Variants in FBXO4 observed in about 807,000 individuals in gnomAD.
FBXO4 encodes the protein F-box only protein 4.
A neutral mutation model predicts 43.7 loss-of-function variants in FBXO4; 36 were observed. That is an observed-to-expected ratio of 0.82 (90% CI 0.63 to 1.09). The LOEUF is 1.09. Among genes scored for constraint, FBXO4 ranks in the 50% least tolerant of loss-of-function variants. FBXO4 has a pLI of 0.00. For synonymous variants in FBXO4, 180 were observed against 165.6 expected, an observed-to-expected ratio of 1.09 and a Z score of -0.67; for missense variants, 435 against 474.1, an observed-to-expected ratio of 0.92 and a Z score of 0.77.
At chr5:41,926,972 C>A (rs190835881) in intron 1 of FBXO4, 41 bp from the exon 2 acceptor site, 16 of 1,319,020 alleles carry the variant, frequency 1.2e-5, no homozygotes, top group Middle Eastern at 1.9e-4. Flanking sequence ...AAACTATTTT[C>A]TTCATTCCTT....
chr5:42,005,826 T>C, the FBXO4 span, among the ~76,000 whole-genome samples: 1 of 152,120 alleles, frequency 6.6e-6, no homozygotes, highest in Non-Finnish European at 1.5e-5. Context: ...TATTTGTTTT[T>C]GACCTCCTCT....
the FBXO4 span, among the ~76,000 whole-genome samples, chr5:41,991,447 T>C: frequency 2.0e-5 from 3 of 152,340 alleles, no homozygotes; most frequent in African/African-American, 7.2e-5. Flanking sequence ...TGTGAAAGCA[T>C]AAGCCTGATT....
At chr5:41,945,426 C>T (rs891648816), downstream of FBXO4, among the ~76,000 whole-genome samples, 1 of 152,044 alleles carries the variant, frequency 6.6e-6, no homozygotes, top group Non-Finnish European at 1.5e-5. Flanking sequence ...AGGGAGACCC[C>T]CTGAAACTAT....
the FBXO4 span, chr5:41,967,490 T>C: frequency 3.8e-5 from 26 of 677,944 alleles, no homozygotes; most frequent in Non-Finnish European, 6.7e-5. Flanking sequence ...TTTGGGGGTA[T>C]ATCAATGAGA....
chr5:41,948,281 G>A, the FBXO4 span, among the ~76,000 whole-genome samples: 919 of 151,918 alleles, frequency 6.0e-3, 15 homozygotes, highest in African/African-American at 0.021. Flanking sequence ...GACTACAGGC[G>A]GCTGCCACCA....
the FBXO4 span, among the ~76,000 whole-genome samples, chr5:42,007,581 C>G: frequency 6.6e-6 from 1 of 152,010 alleles, no homozygotes; most frequent in Non-Finnish European, 1.5e-5. Flanking sequence ...ATCTGAGTAC[C>G]CAGTCCCTTG....
At chr5:42,011,839 A>G in the FBXO4 span, among the ~76,000 whole-genome samples, 1 of 152,198 alleles carries the variant, frequency 6.6e-6, no homozygotes, top group Admixed American at 6.5e-5. Context: ...TCTATCATTT[A>G]TAGATGGACA....
chr5:42,038,248 C>T, the FBXO4 span, among the ~76,000 whole-genome samples: 8 of 152,130 alleles, frequency 5.3e-5, no homozygotes, highest in East Asian at 1.9e-4. Context: ...CGAAGCAAGA[C>T]GACACCTTTT....
intron 2 of FBXO4, among the ~76,000 whole-genome samples, chr5:41,928,312 A>G (rs1208863147): frequency 6.6e-6 from 1 of 151,928 alleles, no homozygotes; most frequent in African/African-American, 2.4e-5. Context: ...TATCATTTTT[A>G]CAACCCTGAG....
chr5:41,935,041 C>G, intron 5 of FBXO4: 1 of 984,700 alleles, frequency 1.0e-6, no homozygotes, highest in Non-Finnish European at 1.2e-6. Context: ...CAATTACTTT[C>G]TGTTATTACA....
At chr5:42,002,513 AT>A in the FBXO4 span, among the ~76,000 whole-genome samples, 10 of 152,194 alleles carry the variant, frequency 6.6e-5, no homozygotes, top group Non-Finnish European at 1.3e-4. Flanking sequence ...CCCAACTAAG[AT>A]TTTTATTGAA....
chr5:42,020,017 G>A, the FBXO4 span, among the ~76,000 whole-genome samples: 4,784 of 152,020 alleles, frequency 0.031, 262 homozygotes, highest in African/African-American at 0.11. Flanking sequence ...AAGCATGAAC[G>A]ACTTAATTTT....
chr5:42,010,792 TCATTATA>T, the FBXO4 span, among the ~76,000 whole-genome samples: 1 of 152,202 alleles, frequency 6.6e-6, no homozygotes, highest in Non-Finnish European at 1.5e-5. Flanking sequence ...AGGGGCTGCA[TCATTATA>T]CATTTCTACC....
the FBXO4 span, among the ~76,000 whole-genome samples, chr5:42,011,757 G>A: frequency 1.3e-5 from 2 of 152,178 alleles, no homozygotes; most frequent in African/African-American, 4.8e-5. Context: ...TATGTAGAGT[G>A]TGTGCAGTAA....
intron 6 of FBXO4, among the ~76,000 whole-genome samples, chr5:41,940,025 A>AT (rs907403423): frequency 2.0e-5 from 3 of 150,010 alleles, no homozygotes; most frequent in African/African-American, 7.4e-5. Context: ...AATTTTTTGT[A>AT]TTTTTTGTAG....
At chr5:42,030,468 A>G in the FBXO4 span, among the ~76,000 whole-genome samples, 1 of 152,074 alleles carries the variant, frequency 6.6e-6, no homozygotes, top group Non-Finnish European at 1.5e-5. Flanking sequence ...AAGATGGATT[A>G]AAGACTTAAA....
the FBXO4 span, among the ~76,000 whole-genome samples, chr5:41,998,227 T>G: frequency 4.6e-5 from 7 of 152,228 alleles, no homozygotes; most frequent in African/African-American, 1.7e-4. Flanking sequence ...ATCCCCATTA[T>G]ATTTAAATTT....
chr5:41,990,131 T>C, the FBXO4 span, among the ~76,000 whole-genome samples: 1 of 152,314 alleles, frequency 6.6e-6, no homozygotes, highest in East Asian at 1.9e-4. Flanking sequence ...CTCACACAGA[T>C]AAGTTTCCGA....
chr5:41,986,004 CTT>C, the FBXO4 span, among the ~76,000 whole-genome samples: 2 of 152,038 alleles, frequency 1.3e-5, no homozygotes, highest in African/African-American at 4.8e-5. Flanking sequence ...CGACTCTTGT[CTT>C]TTTTCCCTTA....
Sources: gnomAD v4.1 joint callset for allele counts (sites outside exome capture counted in the v4.1 genomes callset) on GRCh38, gnomAD v4.1.1 for gene constraint, MANE v1.5 for transcripts, NCBI Gene and HGNC (gene_info 2026-07-23, HGNC 2026-07-21) for gene names.